PLD1: variants seen among roughly 807,000 people sequenced by gnomAD.
The protein encoded by PLD1 is phospholipase D1.
PLD1 carries 112 observed loss-of-function variants against 137.1 expected under a neutral mutation model. The observed-to-expected ratio is 0.82, with a 90% CI of 0.70 to 0.96. The LOEUF (loss-of-function observed/expected upper bound fraction) is 0.96. Ranked by LOEUF, PLD1 falls within the 40% of genes least tolerant of loss-of-function variation. PLD1 has a pLI of 0.00. For synonymous variants in PLD1, 431 were observed against 454.7 expected (o/e 0.95, Z 0.66); for missense variants, 1,321 against 1,342.0 (o/e 0.98, Z 0.24).
intron 21 of PLD1, among the ~76,000 whole-genome samples, chr3:171,645,610 C>A (rs570316132): frequency 6.6e-6 from 1 of 151,686 alleles, no homozygotes; most frequent in Non-Finnish European, 1.5e-5. Context: ...GCCGGCCGGG[C>A]GTGGTGGCTC....
chr3:171,662,225 T>TA, intron 19 of PLD1, 55 bp from the exon 20 acceptor site: 1 of 970,032 alleles, frequency 1.0e-6, no homozygotes, highest in South Asian at 1.3e-5. Context: ...GGACATCAGA[T>TA]ATATTAATAC....
chr3:171,677,828 TC>T (rs1344724251), intron 16 of PLD1, 134 bp from the exon 17 acceptor site: 1 of 820,528 alleles, frequency 1.2e-6, no homozygotes, highest in Non-Finnish European at 1.9e-6. Flanking sequence ...ATCTGTCCAT[TC>T]TATTACAGGC....
At chr3:171,737,781 G>T in intron 2 of PLD1, 111 bp downstream of exon 2, 1 of 1,341,224 alleles carries the variant, frequency 7.5e-7, no homozygotes, top group Non-Finnish European at 1.0e-6. Flanking sequence ...ATCTGAGCCC[G>T]GTGTTACATC....
chr3:171,652,535 A>AT (rs1277244914), intron 21 of PLD1, among the ~76,000 whole-genome samples: 1 of 151,922 alleles, frequency 6.6e-6, no homozygotes, highest in Non-Finnish European at 1.5e-5. Context: ...ATGGACATAG[A>AT]TTTTTCTTTA....
At position 171,639,630 on chromosome 3, in the gene PLD1, T is replaced by TATAATATATATTATATATAATATATATTC. The variant is rs1560170352; in HGVS notation, c.2593+3209_2593+3210insGAATATATATTATATATAATATATATTAT. On this transcript the variant is annotated intron_variant, in intron 23 of 26. Coordinates refer to ENST00000351298, the MANE Select transcript of PLD1 (RefSeq NM_002662.5). ...TATATATTATATATAATATATATTCTATATAATATATATTATATATAATAT... is the reference window on the plus strand; with the variant it reads ...TATATATTATATATAATATATATTCTATAATATATATTATATATAATATATATTCATATAATATATATTATATATAATAT... Among the ~76,000 whole-genome samples the TATAATATATATTATATATAATATATATTC allele has an allele frequency of 2.9e-3, 99 of 33,644 alleles. 4 individuals are homozygous for TATAATATATATTATATATAATATATATTC. The highest frequency in any genetic ancestry group is 0.026 in the African/African-American group (91 of 3,506). 22.1% of individuals were successfully genotyped at this position (33,644 alleles called of 152,430 possible). A position where few individuals can be genotyped will look rare whatever the true frequency, so the allele number is the denominator to read the frequency against.
intron 21 of PLD1, among the ~76,000 whole-genome samples, chr3:171,657,791 A>C (rs1322022603): frequency 6.6e-6 from 1 of 152,186 alleles, no homozygotes; most frequent in Non-Finnish European, 1.5e-5. Context: ...CAAGCGATAC[A>C]AGGAAAAAAA....
chr3:171,753,382 G>A (rs1042580131), intron 1 of PLD1, among the ~76,000 whole-genome samples: 3 of 152,230 alleles, frequency 2.0e-5, no homozygotes, highest in African/African-American at 7.2e-5. Context: ...GAACTGGAAA[G>A]AGAGTCGGTG....
At chr3:171,765,067 T>C (rs1387530827) in intron 1 of PLD1, 6 of 147,834 alleles carry the variant, frequency 4.1e-5, no homozygotes, top group Admixed American at 4.0e-4. Flanking sequence ...AAGAGAGAGG[T>C]AGGGAGGATG....
At chr3:171,800,563 C>T (rs1723604199) in intron 1 of PLD1, among the ~76,000 whole-genome samples, 1 of 152,124 alleles carries the variant, frequency 6.6e-6, no homozygotes, top group Non-Finnish European at 1.5e-5. Context: ...AAATGAGATG[C>T]TCTGATTAAA....
intron 21 of PLD1, 146 bp from the exon 22 acceptor site, chr3:171,645,169 G>T: frequency 1.6e-6 from 1 of 641,166 alleles, no homozygotes; most frequent in Non-Finnish European, 2.9e-6. Context: ...ACTTGGGAGG[G>T]TGTGCTGTTG....
At chr3:171,805,392 G>A (rs939729438) in intron 1 of PLD1, among the ~76,000 whole-genome samples, 5 of 152,188 alleles carry the variant, frequency 3.3e-5, no homozygotes, top group African/African-American at 1.2e-4. Flanking sequence ...CCCTTATTTA[G>A]CAGATTAGCT....
chr3:171,619,153 C>T (rs1037095969), intron 24 of PLD1, among the ~76,000 whole-genome samples: 1 of 152,154 alleles, frequency 6.6e-6, no homozygotes, highest in African/African-American at 2.4e-5. Context: ...TAGTAGGACA[C>T]ATCATCTCTC....
At chr3:171,630,951 A>C (rs988843116) in intron 23 of PLD1, among the ~76,000 whole-genome samples, 2 of 151,786 alleles carry the variant, frequency 1.3e-5, no homozygotes, top group Admixed American at 1.3e-4. Context: ...CCAGCATGGC[A>C]CATGTATACA....
At chr3:171,664,688 A>T (rs1043317565) in intron 19 of PLD1, among the ~76,000 whole-genome samples, 3 of 151,974 alleles carry the variant, frequency 2.0e-5, no homozygotes, top group Admixed American at 6.5e-5. Context: ...TGAACTCCTG[A>T]CCTCAAGTGA....
At chr3:171,797,295 T>C (rs1723471942) in intron 1 of PLD1, among the ~76,000 whole-genome samples, 1 of 152,218 alleles carries the variant, frequency 6.6e-6, no homozygotes, top group Admixed American at 6.5e-5. Context: ...CTGTTTCCCA[T>C]TGCATGTTAC....
In PLD1 at chr3:171,701,396, TGA is replaced by T. The variant is rs138500462; in HGVS notation, c.1146-1572_1146-1571del. Among the ~76,000 whole-genome samples the T allele has an allele frequency of 6.8e-3, 1,038 of 152,318 alleles. 12 individuals carry two copies. Among genetic ancestry groups the T allele is most frequent in the African/African-American group, 0.02 (815 of 41,564 alleles). ...CTGTGCACTGCTAGTTCACCAAAAG[TGA>T]GAGATAGCCAACAACATATATACAA... On this transcript the variant is annotated intron_variant, in intron 11 of 26. Transcript: ENST00000351298.
At position 171,724,960 on chromosome 3, in the gene PLD1, AG is replaced by A. The variant is rs10710862; in HGVS notation, c.666-173del. On this transcript the variant is annotated intron_variant, in intron 7 of 26. Coordinates refer to ENST00000351298, the MANE Select transcript of PLD1 (RefSeq NM_002662.5). ...AGTGCCCTGTTAGGCCGGGTACCCT[AG>A]AGGCGAACCCTAAAATACACTGGTG... Among the ~76,000 whole-genome samples, 54,784 of 151,858 alleles carry A rather than the reference AG, an allele frequency of 0.36. 10,981 individuals carry two copies. The highest frequency in any genetic ancestry group is 0.52 in the African/African-American group (21,358 of 41,382).
At chr3:171,708,152 G>A (rs1716844029) in intron 11 of PLD1, among the ~76,000 whole-genome samples, 1 of 152,158 alleles carries the variant, frequency 6.6e-6, no homozygotes, top group African/African-American at 2.4e-5. Flanking sequence ...AGTCAGACTA[G>A]AATGCCTACA....
At chr3:171,800,277 C>T (rs557084683) in intron 1 of PLD1, among the ~76,000 whole-genome samples, 2 of 152,136 alleles carry the variant, frequency 1.3e-5, no homozygotes, top group African/African-American at 4.8e-5. Context: ...GGCGTGATCT[C>T]GGCTCACTGC....
Sources: allele counts gnomAD v4.1 joint callset (sites outside exome capture counted in the v4.1 genomes callset), GRCh38; gene constraint gnomAD v4.1.1; transcripts MANE v1.5; gene names NCBI Gene and HGNC (gene_info 2026-07-23, HGNC 2026-07-21).